Variants in RAI1 observed in about 807,000 individuals in gnomAD.
The protein encoded by RAI1 is retinoic acid-induced protein 1.
In RAI1, 9 loss-of-function variants were observed where a neutral mutation model predicts 123.8. The ratio of observed to expected loss-of-function variants is 0.07; its 90% confidence interval spans 0.04 to 0.13. The LOEUF is 0.13. RAI1 is among the 10% of genes least tolerant of loss of function. The probability of loss-of-function intolerance (pLI) is 1.00; values close to 1 mark genes in which losing one functional copy is unlikely to be tolerated. For missense variants in RAI1, 2,256 were observed against 2,545.8 expected (o/e 0.89, Z 2.45); for synonymous variants, 1,231 against 1,127.3 (o/e 1.09, Z -1.84).
At chr17:17,782,192 C>A (rs1481294839) in intron 2 of RAI1, 1 of 152,134 alleles carries the variant, frequency 6.6e-6, no homozygotes, top group Non-Finnish European at 1.5e-5. Context: ...GGGAGGCGCT[C>A]AGAGTCCGGA....
chr17:17,768,833 A>G (rs897910855), intron 2 of RAI1, among the ~76,000 whole-genome samples: 4 of 152,224 alleles, frequency 2.6e-5, no homozygotes, highest in Admixed American at 2.0e-4. Flanking sequence ...TCTTCCCGGC[A>G]GGGTGGGCAG....
intron 1 of RAI1, among the ~76,000 whole-genome samples, chr17:17,719,829 A>C (rs1412030865): frequency 6.6e-6 from 1 of 152,120 alleles, no homozygotes; most frequent in Non-Finnish European, 1.5e-5. Flanking sequence ...CAGTCTCTCA[A>C]ATGAGGCTGA....
At chr17:17,762,024 C>T (rs1055916423) in intron 2 of RAI1, among the ~76,000 whole-genome samples, 1 of 152,164 alleles carries the variant, frequency 6.6e-6, no homozygotes, top group African/African-American at 2.4e-5. Flanking sequence ...CAGGCCTCAT[C>T]CCTGCACTGG....
intron 1 of RAI1, among the ~76,000 whole-genome samples, chr17:17,687,211 G>T (rs969185384): frequency 6.6e-6 from 1 of 152,210 alleles, no homozygotes; most frequent in African/African-American, 2.4e-5. Flanking sequence ...CCAGAATGCT[G>T]TGCAGAGGCA....
In RAI1 at chr17:17,810,134, GGCCGCCTAGGGCTCA is replaced by G; in HGVS notation, c.*155_*169del. On this transcript the variant is annotated 3_prime_UTR_variant, in exon 6 of 6. Coordinates refer to ENST00000353383, the MANE Select transcript of RAI1 (RefSeq NM_030665.4). The surrounding 1 kb of genome is among the most constrained non-coding windows in gnomAD (Gnocchi z 4.6). ...GATCCGGGTCCCGGATCGTGGATCC[GGCCGCCTAGGGCTCA>G]GACTTGCGGCCCCGGGTTGGGAGGA... 1 of 1,099,142 alleles carries G rather than the reference GGCCGCCTAGGGCTCA, an allele frequency of 9.1e-7. No homozygotes were observed. The highest frequency in any genetic ancestry group is 1.3e-6 in the Non-Finnish European group (1 of 797,328). 68.1% of individuals were successfully genotyped at this position (1,099,142 alleles called of 1,614,324 possible).
At position 17,792,580 on chromosome 17, in the gene RAI1, G is replaced by A. The variant is rs1370459147; in HGVS notation, c.-16-353G>A. 0.013 allele frequency among the ~76,000 whole-genome samples: 33 copies of A among 2,504 alleles called. 2 individuals carry two copies. In the East Asian group the frequency reaches 0.5, roughly 38 times the overall value. 1.6% of individuals were successfully genotyped at this position (2,504 alleles called of 152,430 possible). On this transcript the variant is annotated intron_variant, in intron 2 of 5. Transcript: ENST00000353383. Reference sequence around the variant, plus strand: ...TTGGGGAGGAGCTGGCAATGGGCGGGGGGGGGGCGGGTAGCTCCCCAGTGA... The same window carrying A: ...TTGGGGAGGAGCTGGCAATGGGCGGAGGGGGGGCGGGTAGCTCCCCAGTGA...
At chr17:17,774,462 C>T (rs1470653335) in intron 2 of RAI1, among the ~76,000 whole-genome samples, 1 of 152,274 alleles carries the variant, frequency 6.6e-6, no homozygotes, top group Non-Finnish European at 1.5e-5. Flanking sequence ...GCCTCCGGCC[C>T]GTCAGCCAAG....
At chr17:17,735,647 G>A (rs1044645422) in intron 2 of RAI1, among the ~76,000 whole-genome samples, 4 of 152,094 alleles carry the variant, frequency 2.6e-5, no homozygotes, top group South Asian at 2.1e-4. Flanking sequence ...GTGAGCCACC[G>A]TGCCCAGCCC....
At chr17:17,701,358 G>C (rs1024831452) in intron 1 of RAI1, among the ~76,000 whole-genome samples, 1 of 152,148 alleles carries the variant, frequency 6.6e-6, no homozygotes, top group Non-Finnish European at 1.5e-5. Context: ...GGGAACCTCA[G>C]GGAAACCTTG....
chr17:17,788,329 C>T (rs1365049154), intron 2 of RAI1, among the ~76,000 whole-genome samples: 1 of 152,158 alleles, frequency 6.6e-6, no homozygotes, highest in South Asian at 2.1e-4. Context: ...TTGTGGGCTC[C>T]TTGGAAACTC....
intron 1 of RAI1, among the ~76,000 whole-genome samples, chr17:17,682,011 T>TG (rs1914436496): frequency 2.1e-5 from 2 of 96,518 alleles, no homozygotes; most frequent in Non-Finnish European, 4.3e-5. Flanking sequence ...AGCTGCAGGG[T>TG]GGGGGCGCCC....
chr17:17,793,832 G>T lies in RAI1; in HGVS notation c.884G>T (p.Ser295Ile). 6.2e-7 allele frequency: 1 copy of T among 1,612,644 alleles called. No individual in the cohort carries two copies. ...CAGCAGCAGCAGCAAGCCCTTCAGA[G>T]CCGGCACCATGCCCAGGAAACCCTC... ...QQQQQQQALQ[S>I]RHHAQETLHY... Residue 295 changes from serine to isoleucine, a missense_variant, in exon 3 of 6, where the codon AGC (serine) becomes ATC (isoleucine). By Grantham distance (142) the Ser-to-Ile change is moderately radical. Around this residue, in one of 7 missense-constraint regions of RAI1, gnomAD observed 357 missense variants for 480.2 expected, o/e 0.74. Transcript: ENST00000353383.
At chr17:17,806,233 C>T (rs959792538) in intron 4 of RAI1, among the ~76,000 whole-genome samples, 3 of 152,170 alleles carry the variant, frequency 2.0e-5, no homozygotes, top group Admixed American at 2.0e-4. Context: ...CTCAAAAGAT[C>T]GGGGGAGCTT....
At chr17:17,792,112 C>G (rs937225925) in intron 2 of RAI1, among the ~76,000 whole-genome samples, 4 of 152,162 alleles carry the variant, frequency 2.6e-5, no homozygotes, top group African/African-American at 9.7e-5. Flanking sequence ...AGTATGCACT[C>G]CCTCACTCTG....
chr17:17,748,430 G>A (rs2030013579), intron 2 of RAI1, among the ~76,000 whole-genome samples: 1 of 152,140 alleles, frequency 6.6e-6, no homozygotes, highest in Admixed American at 6.5e-5. Flanking sequence ...TTTTTGTAGG[G>A]GTTTTCTTGT....
At chr17:17,711,263 G>A (rs868106690) in intron 1 of RAI1, among the ~76,000 whole-genome samples, 110 of 152,192 alleles carry the variant, frequency 7.2e-4, no homozygotes, top group African/African-American at 2.6e-3. Context: ...ACAGGCCCTG[G>A]CTGCCGCAGC....
intron 1 of RAI1, among the ~76,000 whole-genome samples, chr17:17,721,487 G>A (rs1915879140): frequency 6.6e-6 from 1 of 152,086 alleles, no homozygotes; most frequent in Non-Finnish European, 1.5e-5. Flanking sequence ...TGTGCCTGCT[G>A]AATTCAGGAA....
intron 1 of RAI1, among the ~76,000 whole-genome samples, chr17:17,706,898 T>C (rs1048776242): frequency 6.6e-6 from 1 of 152,230 alleles, no homozygotes; most frequent in Non-Finnish European, 1.5e-5. Context: ...AATCCATGCA[T>C]TTGAAACACA....
At chr17:17,736,044 G>A (rs1439326307) in intron 2 of RAI1, among the ~76,000 whole-genome samples, 1 of 152,150 alleles carries the variant, frequency 6.6e-6, no homozygotes, top group Non-Finnish European at 1.5e-5. Flanking sequence ...GTGTACTTGT[G>A]CGGGTGGGGC....
Sources: gnomAD v4.1 joint callset for allele counts (sites outside exome capture counted in the v4.1 genomes callset) on GRCh38, gnomAD v4.1.1 for gene constraint, gnomAD v4.1.1 regional missense constraint, Gnocchi (gnomAD v3.1) non-coding constraint, MANE v1.5 for transcripts, NCBI Gene and HGNC (gene_info 2026-07-23, HGNC 2026-07-21) for gene names.